The following SUPT3H variants were observed in gnomAD, a reference collection of about 807,000 sequenced individuals.
SUPT3H encodes SPT3 homolog, SAGA and STAGA complex component.
A neutral mutation model predicts 44.3 loss-of-function variants in SUPT3H; 44 were observed. The ratio of observed to expected loss-of-function variants is 0.99; its 90% CI spans 0.78 to 1.28. SUPT3H has a LOEUF of 1.28. SUPT3H is among the 50% of genes most tolerant of loss of function. The pLI, the probability that SUPT3H is intolerant of heterozygous loss-of-function variation, is 0.00. For synonymous variants in SUPT3H, 124 were observed against 125.6 expected (o/e 0.99, Z 0.09); for missense variants, 380 against 387.1 (o/e 0.98, Z 0.15).
chr6:45,179,965 A>C (rs1812816191), intron 2 of SUPT3H, among the ~76,000 whole-genome samples: 1 of 152,088 alleles, frequency 6.6e-6, no homozygotes, highest in Non-Finnish European at 1.5e-5. Flanking sequence ...TATCTAGAAA[A>C]CCCCACTGTC....
At chr6:45,365,084 CTTGA>C (rs1478154305) in intron 2 of SUPT3H, 113 bp downstream of exon 2, 26 of 685,474 alleles carry the variant, frequency 3.8e-5, no homozygotes, top group South Asian at 1.7e-4. Flanking sequence ...TTCATTTTTA[CTTGA>C]TTAATAACAA....
intron 2 of SUPT3H, among the ~76,000 whole-genome samples, chr6:45,228,612 G>GT (rs1296049317): frequency 6.6e-6 from 1 of 151,838 alleles, no homozygotes; most frequent in Non-Finnish European, 1.5e-5. Flanking sequence ...CACACTATTG[G>GT]TTTTCTCTGA....
intron 2 of SUPT3H, among the ~76,000 whole-genome samples, chr6:45,230,682 A>ATTT (rs201123504): frequency 2.7e-5 from 3 of 110,850 alleles, no homozygotes; most frequent in Admixed American, 8.8e-5. Context: ...ATATATATAT[A>ATTT]TATATTTTTG....
chr6:45,186,589 T>C (rs1283033875), intron 2 of SUPT3H, among the ~76,000 whole-genome samples: 2 of 152,132 alleles, frequency 1.3e-5, no homozygotes, highest in African/African-American at 4.8e-5. Flanking sequence ...CTACCACACT[T>C]CTACCAGATT....
intron 9 of SUPT3H, among the ~76,000 whole-genome samples, chr6:44,950,221 C>T (rs2153472452): frequency 6.6e-6 from 1 of 152,242 alleles, no homozygotes; most frequent in Middle Eastern, 3.4e-3. Flanking sequence ...AGACACCTGC[C>T]CCCTTTCCCA....
At chr6:45,305,830 C>T (rs1782901305) in intron 2 of SUPT3H, among the ~76,000 whole-genome samples, 1 of 152,226 alleles carries the variant, frequency 6.6e-6, no homozygotes. Flanking sequence ...ACTGGGCCCA[C>T]ATTTCAGATA....
intron 2 of SUPT3H, among the ~76,000 whole-genome samples, chr6:45,276,017 A>C (rs2153663970): frequency 6.6e-6 from 1 of 152,216 alleles, no homozygotes; most frequent in South Asian, 2.1e-4. Context: ...GTACCATAAG[A>C]AAATACATAC....
intron 2 of SUPT3H, among the ~76,000 whole-genome samples, chr6:45,315,913 T>TCAGACAGA (rs1784599695): frequency 7.5e-6 from 1 of 133,122 alleles, no homozygotes; most frequent in African/African-American, 3.0e-5. Flanking sequence ...ATAAAGAAGC[T>TCAGACAGA]CAGATAGACA....
chr6:45,046,292 G>A (rs185605502), intron 3 of SUPT3H, among the ~76,000 whole-genome samples: 2 of 152,020 alleles, frequency 1.3e-5, no homozygotes, highest in East Asian at 1.9e-4. Flanking sequence ...GTATATGTAT[G>A]TCTATCTTTA....
At chr6:44,985,236 T>TAAAATAAAATAAAATA (rs757270952) in intron 6 of SUPT3H, among the ~76,000 whole-genome samples, 3 of 101,814 alleles carry the variant, frequency 2.9e-5, no homozygotes, top group African/African-American at 1.0e-4. Flanking sequence ...TAAAATAAAA[T>TAAAATAAAATAAAATA]AAATAAATAA....
intron 5 of SUPT3H, among the ~76,000 whole-genome samples, chr6:45,010,720 C>G (rs576210172): frequency 6.6e-6 from 1 of 152,184 alleles, no homozygotes; most frequent in East Asian, 1.9e-4. Context: ...CAGAAATGCC[C>G]TAATCATAAA....
rs1767017034 is a variant in SUPT3H at position 44,911,358 on chromosome 6, T to C, written c.912+21295A>G. Reference sequence around the variant, plus strand: ...TTTTCCTTTGGGCAGATTCAGAAAATATCATAACTATCTTCCAAATTGTTC... The same window carrying C: ...TTTTCCTTTGGGCAGATTCAGAAAACATCATAACTATCTTCCAAATTGTTC... On this transcript the variant is annotated intron_variant, in intron 10 of 10. Transcript: ENST00000371459. 2.0e-5 allele frequency among the ~76,000 whole-genome samples: 3 copies of C among 152,184 alleles called. No homozygotes were observed. In the South Asian group the frequency reaches 6.2e-4, roughly 31 times the overall value.
chr6:45,323,567 T>C (rs1785869435), intron 2 of SUPT3H, among the ~76,000 whole-genome samples: 1 of 151,976 alleles, frequency 6.6e-6, no homozygotes, highest in Non-Finnish European at 1.5e-5. Context: ...ACCCCCAACT[T>C]GGCAATAAAA....
chr6:45,283,261 A>G (rs1778527766), intron 2 of SUPT3H, among the ~76,000 whole-genome samples: 1 of 152,330 alleles, frequency 6.6e-6, no homozygotes, highest in Middle Eastern at 3.4e-3. Flanking sequence ...TAAATGGGCT[A>G]AAGGCTCCAA....
At chr6:45,050,339 C>G (rs1465571768) in intron 3 of SUPT3H, among the ~76,000 whole-genome samples, 3 of 145,420 alleles carry the variant, frequency 2.1e-5, no homozygotes, top group Non-Finnish European at 4.5e-5. Context: ...TTTGAAATAC[C>G]TATAAACCAC....
At chr6:45,294,773 A>T (rs1780883900) in intron 2 of SUPT3H, among the ~76,000 whole-genome samples, 2 of 148,826 alleles carry the variant, frequency 1.3e-5, no homozygotes, top group African/African-American at 2.5e-5. Flanking sequence ...ACAACTTAGG[A>T]ATATACCTAA....
rs538062523 is a variant in SUPT3H at position 45,274,521 on chromosome 6, G to C, written c.101+90680C>G. Among the ~76,000 whole-genome samples the C allele has an allele frequency of 5.3e-5, 8 of 152,250 alleles. No individual in the cohort carries two copies. The East Asian group carries it at 1.2e-3, about 22-fold the overall frequency. On this transcript the variant is annotated intron_variant, in intron 2 of 10. Coordinates refer to ENST00000371459, the MANE Select transcript of SUPT3H (RefSeq NM_003599.4). The stretch of plus-strand genomic sequence containing the variant: ...GAAGAGGTCCAAATTATTTCATGTT[G>C]TTCCAGCACCATTCCTTGAAATAGC...
chr6:44,887,230 A>C (rs890223087), intron 10 of SUPT3H, among the ~76,000 whole-genome samples: 3 of 152,154 alleles, frequency 2.0e-5, no homozygotes, highest in Non-Finnish European at 2.9e-5. Context: ...GTTAACAAGG[A>C]TATCCAGGAA....
At chr6:44,882,255 A>T (rs946005236) in intron 10 of SUPT3H, among the ~76,000 whole-genome samples, 2 of 152,178 alleles carry the variant, frequency 1.3e-5, no homozygotes, top group Non-Finnish European at 2.9e-5. Flanking sequence ...AACTATAAAC[A>T]CCTCTACGCA....
Sources: allele counts gnomAD v4.1 joint callset (sites outside exome capture counted in the v4.1 genomes callset), GRCh38; gene constraint gnomAD v4.1.1; transcripts MANE v1.5; gene names NCBI Gene and HGNC (gene_info 2026-07-23, HGNC 2026-07-21).